Variants in SLX4IP observed in about 807,000 individuals in gnomAD.
SLX4IP encodes the protein protein SLX4IP.
SLX4IP carries 34 observed loss-of-function variants against 32.9 expected under a neutral mutation model. That is an observed-to-expected ratio of 1.03 (90% CI 0.79 to 1.38). The LOEUF (loss-of-function observed/expected upper bound fraction) is 1.38. Among genes scored for constraint, SLX4IP ranks in the 40% most tolerant of loss-of-function variants. The pLI, the probability that SLX4IP is intolerant of heterozygous loss-of-function variation, is 0.00. For missense variants in SLX4IP, 444 were observed against 479.0 expected, an observed-to-expected ratio of 0.93 and a Z score of 0.68; for synonymous variants, 172 against 171.7, an observed-to-expected ratio of 1.00 and a Z score of -0.01.
At chr20:10,608,771 C>T (rs1343057078) in intron 6 of SLX4IP, among the ~76,000 whole-genome samples, 1 of 151,592 alleles carries the variant, frequency 6.6e-6, no homozygotes, top group Non-Finnish European at 1.5e-5. Context: ...AAGAAGTCTT[C>T]ATTTAAATGC....
intron 4 of SLX4IP, among the ~76,000 whole-genome samples, chr20:10,577,217 C>T (rs1042025228): frequency 6.6e-6 from 1 of 152,114 alleles, no homozygotes; most frequent in African/African-American, 2.4e-5. Context: ...TAAGTTTACC[C>T]TTATTTTAGT....
chr20:10,520,441 G>A (rs1463334023), intron 2 of SLX4IP, among the ~76,000 whole-genome samples: 1 of 152,224 alleles, frequency 6.6e-6, no homozygotes, highest in Non-Finnish European at 1.5e-5. Context: ...TGATTTGAAA[G>A]CATTTTCTCC....
intron 2 of SLX4IP, among the ~76,000 whole-genome samples, chr20:10,475,869 T>C (rs1339074319): frequency 2.6e-5 from 4 of 152,208 alleles, no homozygotes; most frequent in African/African-American, 4.8e-5. Context: ...AGTTACATGA[T>C]AGTACTTTAC....
chr20:10,476,252 T>C (rs1686226180), intron 2 of SLX4IP, among the ~76,000 whole-genome samples: 1 of 152,232 alleles, frequency 6.6e-6, no homozygotes, highest in African/African-American at 2.4e-5. Flanking sequence ...TTTGAATGGC[T>C]ACTCTTTGAT....
At chr20:10,590,099 C>T (rs2066689636) in intron 4 of SLX4IP, among the ~76,000 whole-genome samples, 1 of 152,024 alleles carries the variant, frequency 6.6e-6, no homozygotes, top group South Asian at 2.1e-4. Flanking sequence ...GCACTCGGTA[C>T]ATATTTGTTA....
At chr20:10,579,532 A>G (rs1327060342) in intron 4 of SLX4IP, among the ~76,000 whole-genome samples, 1 of 151,868 alleles carries the variant, frequency 6.6e-6, no homozygotes, top group Non-Finnish European at 1.5e-5. Flanking sequence ...GGTTCAACCG[A>G]TTCTCCACCT....
At chr20:10,451,762 T>A (rs1208032934) in intron 1 of SLX4IP, among the ~76,000 whole-genome samples, 9 of 150,094 alleles carry the variant, frequency 6.0e-5, no homozygotes, top group African/African-American at 2.0e-4. Flanking sequence ...AGGTCAGGAG[T>A]TCGAGAACAG....
chr20:10,481,152 T>A (rs1454925565), intron 2 of SLX4IP, among the ~76,000 whole-genome samples: 1 of 152,096 alleles, frequency 6.6e-6, no homozygotes, highest in East Asian at 1.9e-4. Flanking sequence ...CATTCTTTTT[T>A]AAAAAAGGTT....
chr20:10,500,130 CTTTTTTTT>C (rs34751503), intron 2 of SLX4IP, among the ~76,000 whole-genome samples: 1 of 90,074 alleles, frequency 1.1e-5, no homozygotes, highest in African/African-American at 4.2e-5. Context: ...TGTCAAAATT[CTTTTTTTT>C]TTTTTTTTTT....
At chr20:10,530,974 A>C (rs1338365047) in intron 2 of SLX4IP, among the ~76,000 whole-genome samples, 7 of 152,252 alleles carry the variant, frequency 4.6e-5, no homozygotes, top group Non-Finnish European at 8.8e-5. Context: ...TGAAGTCCTC[A>C]GCTTTACAAA....
intron 2 of SLX4IP, among the ~76,000 whole-genome samples, chr20:10,481,130 A>G (rs1028708082): frequency 1.3e-5 from 2 of 151,462 alleles, no homozygotes; most frequent in African/African-American, 4.9e-5. Flanking sequence ...TGGTATGTTC[A>G]TTCTTCAGAG....
At chr20:10,480,813 G>A (rs931379070) in intron 2 of SLX4IP, among the ~76,000 whole-genome samples, 3 of 152,142 alleles carry the variant, frequency 2.0e-5, no homozygotes, top group South Asian at 4.1e-4. Context: ...GCTTGAGAAC[G>A]TGTCCTCTTT....
chr20:10,619,747 ATGTTTAGAAG>A (rs1338242921), intron 6 of SLX4IP, among the ~76,000 whole-genome samples: 1 of 152,228 alleles, frequency 6.6e-6, no homozygotes, highest in African/African-American at 2.4e-5. Flanking sequence ...CTTATAGGGC[ATGTTTAGAAG>A]TGTTTCACAC....
At chr20:10,436,647 G>C (rs764310655) in intron 1 of SLX4IP, among the ~76,000 whole-genome samples, 1 of 152,126 alleles carries the variant, frequency 6.6e-6, no homozygotes, top group South Asian at 2.1e-4. Context: ...GAGACATCAC[G>C]CCCGGCCTGG....
intron 2 of SLX4IP, among the ~76,000 whole-genome samples, chr20:10,544,624 C>G (rs1276278023): frequency 6.6e-6 from 1 of 152,086 alleles, no homozygotes; most frequent in African/African-American, 2.4e-5. Flanking sequence ...TGGACTCAAG[C>G]AATCTGTCCG....
At chr20:10,561,526 A>G (rs2066332134) in intron 4 of SLX4IP, among the ~76,000 whole-genome samples, 1 of 149,552 alleles carries the variant, frequency 6.7e-6, no homozygotes, top group South Asian at 2.1e-4. Flanking sequence ...ATATGTCTAT[A>G]TATCTATTTT....
chr20:10,512,479 T>C (rs1447984062), intron 2 of SLX4IP, among the ~76,000 whole-genome samples: 1 of 150,876 alleles, frequency 6.6e-6, no homozygotes, highest in South Asian at 2.1e-4. Flanking sequence ...GGTACAATCA[T>C]ACCTCTTCTG....
intron 6 of SLX4IP, among the ~76,000 whole-genome samples, chr20:10,603,823 A>C (rs1366540048): frequency 2.0e-5 from 3 of 152,122 alleles, no homozygotes; most frequent in Non-Finnish European, 4.4e-5. Context: ...GAAGCAATAA[A>C]AGACCCAGGT....
At chr20:10,575,254 G>C (rs2066511935) in intron 4 of SLX4IP, among the ~76,000 whole-genome samples, 1 of 152,182 alleles carries the variant, frequency 6.6e-6, no homozygotes, top group Non-Finnish European at 1.5e-5. Context: ...TGGGAGGCCT[G>C]TAGTTCCATT....
Sources: gnomAD v4.1 joint callset for allele counts (sites outside exome capture counted in the v4.1 genomes callset) on GRCh38, gnomAD v4.1.1 for gene constraint, MANE v1.5 for transcripts, NCBI Gene and HGNC (gene_info 2026-07-23, HGNC 2026-07-21) for gene names.